Variants in CUX1 observed in about 807,000 individuals in gnomAD.
CUX1 encodes protein CASP.
Under a neutral mutation model 158.8 loss-of-function variants are expected in CUX1, and 31 were observed. The ratio of observed to expected loss-of-function variants is 0.20; its 90% confidence interval spans 0.15 to 0.26. CUX1 has a LOEUF of 0.26. CUX1 is among the 10% of genes least tolerant of loss of function. The pLI, the probability that CUX1 is intolerant of heterozygous loss-of-function variation, is 1.00. For missense variants in CUX1, 1,589 were observed against 2,014.6 expected, an observed-to-expected ratio of 0.79 and a Z score of 4.04; for synonymous variants, 879 against 862.1, an observed-to-expected ratio of 1.02 and a Z score of -0.34.
At chr7:102,216,869 TCACACACACATTATCTCACA>T (rs797029281) in intron 20 of CUX1, among the ~76,000 whole-genome samples, 85 of 112,472 alleles carry the variant, frequency 7.6e-4, no homozygotes, top group African/African-American at 2.3e-3. Context: ...ACACATTCTC[TCACACACACATTATCTCACA>T]CACACACACA....
At chr7:102,210,043 A>G (rs549418043) in intron 20 of CUX1, among the ~76,000 whole-genome samples, 2 of 151,950 alleles carry the variant, frequency 1.3e-5, no homozygotes, top group Non-Finnish European at 2.9e-5. Context: ...ACTTTCCACC[A>G]CACTCAGCTA....
At chr7:102,043,092 G>A (rs1013534403) in intron 3 of CUX1, among the ~76,000 whole-genome samples, 1 of 152,142 alleles carries the variant, frequency 6.6e-6, no homozygotes, top group African/African-American at 2.4e-5. Flanking sequence ...CAGGGACTGT[G>A]GACGTGTGCC....
At chr7:101,983,257 A>G (rs938643159) in intron 2 of CUX1, among the ~76,000 whole-genome samples, 7 of 152,362 alleles carry the variant, frequency 4.6e-5, no homozygotes, top group African/African-American at 1.4e-4. Flanking sequence ...TCTCCATAAA[A>G]TAATTATTCT....
At chr7:102,080,566 A>T (rs1196147628) in intron 4 of CUX1, among the ~76,000 whole-genome samples, 1 of 152,148 alleles carries the variant, frequency 6.6e-6, no homozygotes, top group African/African-American at 2.4e-5. Context: ...CGCAGAGCGC[A>T]CTGTGCAAAC....
intron 1 of CUX1, among the ~76,000 whole-genome samples, chr7:101,832,504 G>C (rs558257464): frequency 5.9e-5 from 9 of 152,184 alleles, no homozygotes; most frequent in Non-Finnish European, 1.3e-4. Context: ...AGTCCCCACA[G>C]GTTTATCAAA....
At chr7:102,056,102 G>T (rs2130230210) in intron 3 of CUX1, among the ~76,000 whole-genome samples, 1 of 152,312 alleles carries the variant, frequency 6.6e-6, no homozygotes, top group East Asian at 1.9e-4. Flanking sequence ...GCTAGCGGAG[G>T]TTGATTCATG....
chr7:101,905,112 C>T (rs1469505788), intron 1 of CUX1, among the ~76,000 whole-genome samples: 1 of 152,076 alleles, frequency 6.6e-6, no homozygotes, highest in Non-Finnish European at 1.5e-5. Context: ...GGCTGTGTCT[C>T]TGGGTGGGGG....
intron 1 of CUX1, among the ~76,000 whole-genome samples, chr7:101,907,417 C>T (rs1162641684): frequency 1.3e-5 from 2 of 152,206 alleles, no homozygotes; most frequent in African/African-American, 2.4e-5. Context: ...GGCACAATCT[C>T]GGCTCATTGC....
Position 101,916,521 on chromosome 7 carries a change from TC to T in CUX1, c.141+297del, listed in dbSNP as rs1804228621. 1.5e-5 allele frequency: 5 copies of T among 328,468 alleles called. No homozygotes were observed. The highest frequency in any genetic ancestry group is 1.3e-4 in the South Asian group (5 of 38,868). 20.3% of individuals were successfully genotyped at this position (328,468 alleles called of 1,614,324 possible). On this transcript the variant is annotated intron_variant, in intron 2 of 23. Coordinates refer to ENST00000292535, the MANE Select transcript of CUX1 (RefSeq NM_181552.4). The surrounding 1 kb of genome is among the most constrained non-coding windows in gnomAD (Gnocchi z 4.4). ...ACACGTGGGCAGGTGTGTGGGTGTC[TC>T]AGACCCTCGAGCTCATCCCAGACCC...
At chr7:102,139,584 C>T (rs1463433026) in intron 8 of CUX1, among the ~76,000 whole-genome samples, 2 of 152,192 alleles carry the variant, frequency 1.3e-5, no homozygotes, top group Non-Finnish European at 2.9e-5. Flanking sequence ...TGCCTGAGCA[C>T]AGAAATTCGA....
At chr7:102,283,588 A>G in exon 23 of CUX1, 1 of 164,084 alleles carries the variant, frequency 6.1e-6, no homozygotes, top group Non-Finnish European at 1.3e-5. Flanking sequence ...CACCAGCCCC[A>G]CCCTGCAGAG....
At chr7:102,082,889 T>C (rs75342996) in intron 4 of CUX1, among the ~76,000 whole-genome samples, 2,517 of 147,818 alleles carry the variant, frequency 0.017, 340 homozygotes, top group South Asian at 0.04. Context: ...GTGGGTATTA[T>C]GAATCAGTCT....
intron 3 of CUX1, among the ~76,000 whole-genome samples, chr7:102,031,707 C>A (rs749188418): frequency 3.3e-5 from 5 of 152,038 alleles, no homozygotes; most frequent in African/African-American, 9.7e-5. Flanking sequence ...GGGATACATA[C>A]AGACAGTAAA....
chr7:101,827,219 T>C (rs1793404763), intron 1 of CUX1, among the ~76,000 whole-genome samples: 1 of 140,528 alleles, frequency 7.1e-6, no homozygotes, highest in African/African-American at 2.6e-5. Context: ...AAAATCCACG[T>C]ATAACTTTTT....
At chr7:102,217,738 A>G (rs1797393362) in intron 20 of CUX1, among the ~76,000 whole-genome samples, 2 of 149,710 alleles carry the variant, frequency 1.3e-5, no homozygotes, top group Admixed American at 6.6e-5. Flanking sequence ...GATGGTGTCT[A>G]GAGGGAGGGA....
intron 1 of CUX1, chr7:101,824,628 C>T (rs1301402428): frequency 2.0e-5 from 3 of 152,256 alleles, no homozygotes; most frequent in Non-Finnish European, 2.9e-5. Flanking sequence ...CCGCCCTCAG[C>T]CTAGCCTCCG....
At chr7:102,202,993 G>A (rs73187831) in intron 18 of CUX1, among the ~76,000 whole-genome samples, 194 of 152,238 alleles carry the variant, frequency 1.3e-3, no homozygotes, top group Non-Finnish European at 1.7e-3. Context: ...TTGAGATGGC[G>A]TCTCACTCTG....
At chr7:101,924,343 C>G (rs1364186492) in intron 2 of CUX1, among the ~76,000 whole-genome samples, 1 of 152,028 alleles carries the variant, frequency 6.6e-6, no homozygotes, top group Non-Finnish European at 1.5e-5. Flanking sequence ...CAGAGTGACT[C>G]AGCCTGGAAA....
downstream of CUX1, among the ~76,000 whole-genome samples, chr7:102,259,591 AAAAC>A (rs1264313884): frequency 1.1e-4 from 16 of 152,190 alleles, no homozygotes; most frequent in East Asian, 1.4e-3. Flanking sequence ...CAGTCTCAAT[AAAAC>A]AAACAAACAA....
Sources: gnomAD v4.1 joint callset for allele counts (sites outside exome capture counted in the v4.1 genomes callset) on GRCh38, gnomAD v4.1.1 for gene constraint, Gnocchi (gnomAD v3.1) non-coding constraint, MANE v1.5 for transcripts, NCBI Gene and HGNC (gene_info 2026-07-23, HGNC 2026-07-21) for gene names.